Variants in SAMD3 observed in about 807,000 individuals in gnomAD.
The protein encoded by SAMD3 is sterile alpha motif domain-containing protein 3.
A neutral mutation model predicts 58.5 loss-of-function variants in SAMD3; 63 were observed. That is an observed-to-expected ratio of 1.08 (90% confidence interval 0.88 to 1.33). SAMD3 has a LOEUF of 1.33. SAMD3 is among the 40% of genes most tolerant of loss of function. The pLI, the probability that SAMD3 is intolerant of heterozygous loss-of-function variation, is 0.00. For missense variants in SAMD3, 604 were observed against 608.4 expected (o/e 0.99, Z 0.08); for synonymous variants, 220 against 210.3 (o/e 1.05, Z -0.40).
At chr6:130,348,549 C>G (rs1324512734) in intron 1 of SAMD3, among the ~76,000 whole-genome samples, 2 of 152,070 alleles carry the variant, frequency 1.3e-5, no homozygotes, top group African/African-American at 2.4e-5. Context: ...ATATATGCAC[C>G]CAATACAAGA....
chr6:130,146,222 A>C (rs1582701576), intron 9 of SAMD3, 41 bp from the exon 10 acceptor site: 1 of 1,285,990 alleles, frequency 7.8e-7, no homozygotes, highest in Non-Finnish European at 1.0e-6. Flanking sequence ...AGATCACAAG[A>C]AAAGCTAATA....
intron 2 of SAMD3, among the ~76,000 whole-genome samples, chr6:130,270,594 C>T (rs1774523040): frequency 6.6e-6 from 1 of 152,204 alleles, no homozygotes; most frequent in Admixed American, 6.5e-5. Flanking sequence ...CAAAATTTCT[C>T]ACTTACAAAT....
At chr6:130,274,900 A>AT (rs1181719236) in intron 2 of SAMD3, among the ~76,000 whole-genome samples, 2 of 151,716 alleles carry the variant, frequency 1.3e-5, no homozygotes, top group Non-Finnish European at 2.9e-5. Flanking sequence ...CTACTTTGCT[A>AT]TTTTTTTCTT....
intron 2 of SAMD3, among the ~76,000 whole-genome samples, chr6:130,236,051 A>G (rs1319604221): frequency 1.3e-5 from 2 of 152,260 alleles, no homozygotes; most frequent in Non-Finnish European, 1.5e-5. Context: ...AGATTTTAAT[A>G]ATACTTTCAA....
intron 1 of SAMD3, among the ~76,000 whole-genome samples, chr6:130,329,032 C>A (rs1175528893): frequency 1.4e-5 from 2 of 146,202 alleles, no homozygotes; most frequent in Admixed American, 1.4e-4. Flanking sequence ...AGACCAATAT[C>A]TCTCTCTCTC....
At chr6:130,320,951 G>T (rs1776564255) in intron 1 of SAMD3, among the ~76,000 whole-genome samples, 2 of 152,122 alleles carry the variant, frequency 1.3e-5, no homozygotes, top group Admixed American at 6.5e-5. Context: ...TTACATATTT[G>T]CTGATCCCTT....
intron 9 of SAMD3, among the ~76,000 whole-genome samples, chr6:130,151,149 A>G (rs73606495): frequency 1.3e-5 from 2 of 151,994 alleles, no homozygotes; most frequent in African/African-American, 4.8e-5. Flanking sequence ...TCATTCCTCA[A>G]CTTTAATCTC....
chr6:130,296,724 G>T (rs2114970226), intron 2 of SAMD3, among the ~76,000 whole-genome samples: 1 of 152,262 alleles, frequency 6.6e-6, no homozygotes, highest in African/African-American at 2.4e-5. Context: ...CCATAGAGTT[G>T]CCTGCTCTGG....
chr6:130,351,587 G>C (rs2115036450), intron 1 of SAMD3, among the ~76,000 whole-genome samples: 1 of 152,328 alleles, frequency 6.6e-6, no homozygotes, highest in Admixed American at 6.5e-5. Flanking sequence ...ACAGGTGCTG[G>C]AGAGGATGTG....
chr6:130,210,285 G>T (rs1034914949), intron 4 of SAMD3, among the ~76,000 whole-genome samples: 8 of 152,182 alleles, frequency 5.3e-5, no homozygotes, highest in Admixed American at 1.3e-4. Context: ...CCCAGATGTT[G>T]CCTACACATC....
chr6:130,144,594 C>G lies in SAMD3; in HGVS notation c.1489G>C (p.Asp497His), dbSNP rs757262361. The stretch of plus-strand genomic sequence containing the variant: ...GAAGGAAAATAAGGACTGTGCATAT[C>G]GAAAATCAGCGTTTCTAGGAAGTTG... ...TFNFLETLIFDMHSPYFPSLK... is the reference protein window; with the variant it reads ...TFNFLETLIFHMHSPYFPSLK... The change falls in exon 12 of 12, where the codon GAT becomes CAT. Residue 497 changes from aspartate (D) to histidine (H), a missense_variant. By Grantham distance (81) the Asp-to-His change is moderately conservative (BLOSUM62 -1). Coordinates refer to ENST00000439090, the MANE Select transcript of SAMD3 (RefSeq NM_001017373.4). 2 of 1,614,064 alleles carry G rather than the reference C, an allele frequency of 1.2e-6. No individual in the cohort carries two copies. The highest frequency in any genetic ancestry group is 1.7e-6 in the Non-Finnish European group (2 of 1,179,982).
At chr6:130,215,856 G>T in intron 2 of SAMD3, 1 of 1,533,984 alleles carries the variant, frequency 6.5e-7, no homozygotes, top group South Asian at 1.2e-5. Flanking sequence ...ATTGTTTTCC[G>T]TTAGCAAGAA....
intron 2 of SAMD3, among the ~76,000 whole-genome samples, chr6:130,260,681 C>T (rs1033061657): frequency 2.6e-5 from 4 of 152,230 alleles, no homozygotes; most frequent in African/African-American, 4.8e-5. Context: ...GTGACTTAAG[C>T]CTGCCCTGTG....
Position 130,144,486 on chromosome 6 carries a change from A to G in SAMD3, c.*34T>C. ...TTTCTTATGAAGCTTCAGTTTTCCC[A>G]GAGGTAAATTCCAGTACAATATTTG... is the stretch of plus-strand genomic sequence containing the variant. On this transcript the variant is annotated 3_prime_UTR_variant, in exon 12 of 12. Coordinates refer to ENST00000439090, the MANE Select transcript of SAMD3 (RefSeq NM_001017373.4). 1 of 1,585,818 alleles carries G rather than the reference A, an allele frequency of 6.3e-7. No individual in the cohort carries two copies. The highest frequency in any genetic ancestry group is 2.2e-5 in the East Asian group (1 of 44,516).
intron 2 of SAMD3, among the ~76,000 whole-genome samples, chr6:130,245,639 T>A (rs1364089483): frequency 6.6e-6 from 1 of 152,222 alleles, no homozygotes; most frequent in Admixed American, 6.5e-5. Flanking sequence ...GGCCCCCCAA[T>A]AAGCTTAAGC....
intron 1 of SAMD3, among the ~76,000 whole-genome samples, chr6:130,314,413 C>T (rs907573478): frequency 6.6e-6 from 1 of 152,146 alleles, no homozygotes; most frequent in African/African-American, 2.4e-5. Flanking sequence ...GGTTATGATT[C>T]ATCACTTAAA....
chr6:130,296,953 C>T (rs926027781), intron 2 of SAMD3, among the ~76,000 whole-genome samples: 5 of 152,282 alleles, frequency 3.3e-5, no homozygotes, highest in African/African-American at 1.2e-4. Context: ...CCTGACACTT[C>T]AGTGCACCCC....
At chr6:130,180,646 T>G (rs543658026) in intron 7 of SAMD3, among the ~76,000 whole-genome samples, 3 of 152,340 alleles carry the variant, frequency 2.0e-5, no homozygotes, top group African/African-American at 7.2e-5. Context: ...TGCTTTGTTT[T>G]GTTTTTTAAG....
chr6:130,346,754 G>A (rs1324946378), intron 1 of SAMD3, among the ~76,000 whole-genome samples: 2 of 152,194 alleles, frequency 1.3e-5, no homozygotes, highest in African/African-American at 4.8e-5. Context: ...CACGCAGCTG[G>A]AGATCTGAGA....
Sources: allele counts gnomAD v4.1 joint callset (sites outside exome capture counted in the v4.1 genomes callset), GRCh38; gene constraint gnomAD v4.1.1; transcripts MANE v1.5; gene names NCBI Gene and HGNC (gene_info 2026-07-23, HGNC 2026-07-21).